Variants in CTDP1 observed in about 807,000 individuals in gnomAD.
CTDP1 encodes the protein RNA polymerase II subunit A C-terminal domain phosphatase.
Under a neutral mutation model 91.8 loss-of-function variants are expected in CTDP1, and 47 were observed. The ratio of observed to expected loss-of-function variants is 0.51; its 90% CI spans 0.41 to 0.65. The LOEUF is 0.65. Ranked by LOEUF, CTDP1 falls within the 30% of genes least tolerant of loss-of-function variation. The pLI is 0.00. For synonymous variants in CTDP1, 656 were observed against 598.5 expected, an observed-to-expected ratio of 1.10 and a Z score of -1.40; for missense variants, 1,272 against 1,373.7, an observed-to-expected ratio of 0.93 and a Z score of 1.17.
chr18:79,738,329 A>T (rs1016573600), intron 12 of CTDP1, among the ~76,000 whole-genome samples: 2 of 152,214 alleles, frequency 1.3e-5, no homozygotes, highest in Non-Finnish European at 2.9e-5. Context: ...CGACATCCTC[A>T]GTACAGACTT....
chr18:79,722,186 A>G (rs908031392), intron 10 of CTDP1, among the ~76,000 whole-genome samples: 3 of 152,258 alleles, frequency 2.0e-5, no homozygotes, highest in African/African-American at 7.2e-5. Context: ...ATCTGAAAAC[A>G]GACTTGCAGA....
In CTDP1 at chr18:79,717,579, G is replaced by T. The variant is rs372703325; in HGVS notation, c.2113G>T (p.Val705Leu). The T allele has an allele frequency of 5.6e-6, 9 of 1,613,782 alleles. 1 individual carries two copies. In the South Asian group the frequency reaches 9.9e-5, roughly 18 times the overall value. Residue 705 changes from valine (V) to leucine (L), a missense_variant, in exon 9 of 13, where the codon GTG (valine) becomes TTG (leucine). By Grantham distance (32) the Val-to-Leu change is conservative. Around this residue, in one of 3 missense-constraint regions of CTDP1, gnomAD observed 881 missense variants for 911.6 expected, o/e 0.97. Transcript: ENST00000613122. Reference protein sequence around the residue: ...LQAQECGHLHVVNPDWLWSCL... With the variant: ...LQAQECGHLHLVNPDWLWSCL... Reference sequence around the variant, plus strand: ...GGCACAGGAGTGCGGACACCTGCACGTGGTCAACCCTGACTGGCTGTGGAG... The same window carrying T: ...GGCACAGGAGTGCGGACACCTGCACTTGGTCAACCCTGACTGGCTGTGGAG...
intron 5 of CTDP1, 48 bp from the exon 6 acceptor site, chr18:79,710,298 C>A: frequency 1.4e-6 from 2 of 1,474,298 alleles, no homozygotes; most frequent in South Asian, 1.1e-5. Context: ...GCCGTGTGAC[C>A]GAAACGTGTC....
At chr18:79,679,688 G>A, upstream of CTDP1, 1 of 533,544 alleles carries the variant, frequency 1.9e-6, no homozygotes, top group South Asian at 1.6e-5. Context: ...TTCACGGCCG[G>A]CACGCAGGGT....
In CTDP1 at chr18:79,743,711, G is replaced by A. The variant is rs541395457; in HGVS notation, c.2747+7190G>A. Among the ~76,000 whole-genome samples, 35 of 152,294 alleles carry A rather than the reference G, an allele frequency of 2.3e-4. 1 individual carries two copies. In the South Asian group the frequency reaches 5.2e-3, roughly 23 times the overall value. On this transcript the variant is annotated intron_variant, in intron 12 of 12. Coordinates refer to ENST00000613122, the MANE Select transcript of CTDP1 (RefSeq NM_004715.5). ...TGTGCAGCAGCCATGTCTCCGTATC[G>A]AATTGGAATTAGGCCAGCATGAGTC...
intron 11 of CTDP1, chr18:79,736,142 G>A (rs1010860808): frequency 3.2e-6 from 2 of 627,020 alleles, no homozygotes; most frequent in Admixed American, 2.8e-5. Context: ...CGAACCGACT[G>A]GGTTTGCTCT....
intron 12 of CTDP1, among the ~76,000 whole-genome samples, chr18:79,738,782 A>ATGAG (rs1410857444): frequency 2.0e-5 from 3 of 152,254 alleles, no homozygotes; most frequent in Admixed American, 6.5e-5. Context: ...TAGCAGGGAA[A>ATGAG]TGAGTGCAGC....
rs750701314 is a variant in CTDP1 at position 79,753,545 on chromosome 18, C to A, written c.2748-107C>A. 8 of 1,548,006 alleles carry A rather than the reference C, an allele frequency of 5.2e-6. No homozygotes were observed. In the East Asian group the frequency reaches 1.8e-4, roughly 35 times the overall value. On this transcript the variant is annotated intron_variant, in intron 12 of 12. Transcript: ENST00000613122. ...TGTGTCCTTGACCAGAGAATTGTGC[C>A]GTCTTGTGTTAAAACCACGGAAGCC...
chr18:79,679,126 G>C (rs964470862), upstream of CTDP1: 7 of 265,968 alleles, frequency 2.6e-5, no homozygotes, highest in African/African-American at 1.2e-4. Flanking sequence ...GCTGCGGTCC[G>C]ATTTTCTGAA....
upstream of CTDP1, chr18:79,678,908 G>A (rs1190728539): frequency 5.5e-6 from 1 of 181,966 alleles, no homozygotes. Flanking sequence ...CCAACTCCCA[G>A]GCTCAGGTGA....
chr18:79,696,664 G>A (rs1017010838), intron 3 of CTDP1, among the ~76,000 whole-genome samples: 1 of 152,180 alleles, frequency 6.6e-6, no homozygotes, highest in Non-Finnish European at 1.5e-5. Context: ...GTAGCCGACA[G>A]GAGAGCCCAT....
upstream of CTDP1, chr18:79,677,565 G>T (rs560117636): frequency 6.6e-6 from 1 of 152,282 alleles, no homozygotes; most frequent in African/African-American, 2.4e-5. Context: ...TGTTCACTAC[G>T]TATGGAGAAA....
rs567335568 is a variant in CTDP1, at chr18:79,729,278, C to T, written c.2580+209C>T. Among the ~76,000 whole-genome samples the T allele has an allele frequency of 9.8e-5, 15 of 152,326 alleles. No homozygotes were observed. The South Asian group carries it at 2.9e-3, about 29-fold the overall frequency. On this transcript the variant is annotated intron_variant, in intron 11 of 12. Transcript: ENST00000613122. ...CTAGAACAGCATTAAGCAATGTGTC[C>T]GCAGTGTGTGGCATGAGAACACGTG...
chr18:79,749,432 G>A (rs1013520910), intron 12 of CTDP1, among the ~76,000 whole-genome samples: 26 of 151,756 alleles, frequency 1.7e-4, no homozygotes, highest in African/African-American at 6.1e-4. Context: ...CCACTAGGAG[G>A]GGCCAGGGCT....
intron 1 of CTDP1, among the ~76,000 whole-genome samples, chr18:79,688,285 A>G (rs1351037017): frequency 6.6e-6 from 1 of 152,212 alleles, no homozygotes; most frequent in Non-Finnish European, 1.5e-5. Flanking sequence ...TTGTTTTGAG[A>G]TGAAGTTTCA....
At chr18:79,701,566 TAAATAA>T (rs1246478236) in intron 4 of CTDP1, among the ~76,000 whole-genome samples, 4 of 114,876 alleles carry the variant, frequency 3.5e-5, no homozygotes, top group Non-Finnish European at 7.8e-5. Flanking sequence ...AATAAATAAA[TAAATAA>T]AAGAGCTACA....
intron 11 of CTDP1, among the ~76,000 whole-genome samples, chr18:79,735,113 G>A (rs2086639515): frequency 6.6e-6 from 1 of 152,132 alleles, no homozygotes; most frequent in Non-Finnish European, 1.5e-5. Flanking sequence ...TCTGATCGAA[G>A]CGGCTTCACA....
Position 79,713,094 on chromosome 18 carries a change from T to G in CTDP1, c.986T>G (p.Met329Arg). 2 of 1,614,136 alleles carry G rather than the reference T, an allele frequency of 1.2e-6. No homozygotes were observed. The highest frequency in any genetic ancestry group is 1.6e-4 in the Middle Eastern group (1 of 6,062). ...GTATACTTCCAGGGCACGGGTGATA[T>G]GAATGCGCCCCCTGGGTCCCGAGAA... ...KYVYFQGTGD[M>R]NAPPGSRESQ... Residue 329 changes from methionine to arginine, a missense_variant, in exon 7 of 13, where the codon ATG becomes AGG. Transcript: ENST00000613122. The surrounding 1 kb of genome is among the most constrained non-coding windows in gnomAD (Gnocchi z 4.7).
intron 10 of CTDP1, among the ~76,000 whole-genome samples, chr18:79,722,177 T>C (rs1333057097): frequency 1.3e-5 from 2 of 152,250 alleles, no homozygotes; most frequent in Admixed American, 6.5e-5. Context: ...ATAATTGTTA[T>C]CTGAAAACAG....
Sources: allele counts gnomAD v4.1 joint callset (sites outside exome capture counted in the v4.1 genomes callset), GRCh38; gene constraint gnomAD v4.1.1; regional missense constraint gnomAD v4.1.1; non-coding constraint Gnocchi (gnomAD v3.1); transcripts MANE v1.5; gene names NCBI Gene and HGNC (gene_info 2026-07-23, HGNC 2026-07-21).